The following SUGCT variants were observed in gnomAD, a reference collection of about 807,000 sequenced individuals.
The protein encoded by SUGCT is succinyl-CoA:glutarate-CoA transferase.
SUGCT carries 41 observed loss-of-function variants against 55.0 expected under a neutral mutation model. That is an observed-to-expected ratio of 0.74 (90% CI 0.58 to 0.97). The LOEUF is 0.97. SUGCT is among the 50% of genes least tolerant of loss of function. The probability of loss-of-function intolerance (pLI) is 0.00; values close to 1 mark genes in which losing one functional copy is unlikely to be tolerated. For synonymous variants in SUGCT, 187 were observed against 200.4 expected (o/e 0.93, Z 0.56); for missense variants, 568 against 547.8 (o/e 1.04, Z -0.37).
At chr7:41,014,516 A>G in the SUGCT span, among the ~76,000 whole-genome samples, 1 of 152,380 alleles carries the variant, frequency 6.6e-6, no homozygotes, top group South Asian at 2.1e-4. Context: ...CATGAGAAAT[A>G]TTGAGCAAGA....
At chr7:40,221,494 CTTT>C (rs1452847552) in intron 6 of SUGCT, among the ~76,000 whole-genome samples, 2 of 130,588 alleles carry the variant, frequency 1.5e-5, no homozygotes, top group Admixed American at 7.8e-5. Context: ...TGTTATTGGT[CTTT>C]TTTTTTTTTT....
chr7:40,531,747 C>G (rs1794102672), intron 12 of SUGCT, among the ~76,000 whole-genome samples: 1 of 152,104 alleles, frequency 6.6e-6, no homozygotes, highest in African/African-American at 2.4e-5. Context: ...GATCTCGGCT[C>G]ACTGTAAGCT....
intron 7 of SUGCT, among the ~76,000 whole-genome samples, chr7:40,257,888 A>C (rs916479829): frequency 6.6e-6 from 1 of 152,142 alleles, no homozygotes; most frequent in African/African-American, 2.4e-5. Flanking sequence ...AAAAAAATAA[A>C]TAAATAAAAT....
chr7:40,464,607 T>A (rs1335672520), intron 11 of SUGCT, among the ~76,000 whole-genome samples: 1 of 152,202 alleles, frequency 6.6e-6, no homozygotes, highest in African/African-American at 2.4e-5. Flanking sequence ...GGTAAAGTGG[T>A]ACACATTCAT....
At chr7:40,590,717 T>C (rs1477499482) in intron 12 of SUGCT, among the ~76,000 whole-genome samples, 1 of 152,170 alleles carries the variant, frequency 6.6e-6, no homozygotes, top group African/African-American at 2.4e-5. Context: ...TCGGGGCTAA[T>C]GTAGCTGGTT....
chr7:40,704,893 TGAA>T (rs1785326199), intron 12 of SUGCT, among the ~76,000 whole-genome samples: 1 of 152,222 alleles, frequency 6.6e-6, no homozygotes, highest in African/African-American at 2.4e-5. Flanking sequence ...CGTGTAGCTA[TGAA>T]GTAGTGGAGT....
At chr7:41,001,883 G>A in the SUGCT span, among the ~76,000 whole-genome samples, 3 of 152,214 alleles carry the variant, frequency 2.0e-5, no homozygotes, top group Admixed American at 6.5e-5. Context: ...TTGCATGTTT[G>A]TCTGCTGACA....
chr7:40,275,105 T>C (rs1034425066), intron 8 of SUGCT, among the ~76,000 whole-genome samples: 1 of 152,212 alleles, frequency 6.6e-6, no homozygotes, highest in Non-Finnish European at 1.5e-5. Flanking sequence ...ATGGCCCATG[T>C]ACTTGTTTTC....
intron 9 of SUGCT, among the ~76,000 whole-genome samples, chr7:40,443,688 T>C (rs538745939): frequency 1.3e-5 from 2 of 152,334 alleles, no homozygotes; most frequent in Admixed American, 1.3e-4. Flanking sequence ...TTCACTCTGA[T>C]GGTAGTTTCT....
chr7:40,985,177 G>A, the SUGCT span, among the ~76,000 whole-genome samples: 2 of 152,278 alleles, frequency 1.3e-5, no homozygotes, highest in African/African-American at 4.8e-5. Flanking sequence ...ATTGCAAGTT[G>A]AAATTGCAAA....
At chr7:40,884,160 T>C in the SUGCT span, among the ~76,000 whole-genome samples, 3 of 152,222 alleles carry the variant, frequency 2.0e-5, no homozygotes, top group Non-Finnish European at 2.9e-5. Context: ...AATATATTTA[T>C]GCTTGAAGAG....
chr7:40,500,689 GGA>G (rs906659172), intron 12 of SUGCT, among the ~76,000 whole-genome samples: 15 of 152,058 alleles, frequency 9.9e-5, no homozygotes, highest in Non-Finnish European at 1.9e-4. Context: ...TTTTGAAATT[GGA>G]GAGTTTATTA....
At chr7:40,620,560 G>A (rs1799216980) in intron 12 of SUGCT, among the ~76,000 whole-genome samples, 1 of 151,990 alleles carries the variant, frequency 6.6e-6, no homozygotes, top group African/African-American at 2.4e-5. Context: ...CTGCCACCGT[G>A]CCCAGCTAAT....
intron 12 of SUGCT, among the ~76,000 whole-genome samples, chr7:40,557,525 C>A (rs915405774): frequency 6.6e-6 from 1 of 152,184 alleles, no homozygotes; most frequent in African/African-American, 2.4e-5. Flanking sequence ...GTAATCCCAG[C>A]ACTTTGGTAT....
intron 3 of SUGCT, among the ~76,000 whole-genome samples, chr7:40,187,102 G>T (rs1461299221): frequency 1.3e-5 from 2 of 152,118 alleles, no homozygotes; most frequent in Non-Finnish European, 2.9e-5. Context: ...ATACTATGCA[G>T]CCATAAAAAA....
chr7:40,416,133 T>C (rs1268948469), intron 9 of SUGCT, among the ~76,000 whole-genome samples: 1 of 152,008 alleles, frequency 6.6e-6, no homozygotes, highest in Non-Finnish European at 1.5e-5. Flanking sequence ...TATTATTTTG[T>C]ATTTAACAAT....
At chr7:40,682,652 T>G (rs1278048544) in intron 12 of SUGCT, among the ~76,000 whole-genome samples, 2 of 152,114 alleles carry the variant, frequency 1.3e-5, no homozygotes, top group Admixed American at 1.3e-4. Context: ...TGTGTGAGAG[T>G]AAGAAAAACA....
intron 9 of SUGCT, among the ~76,000 whole-genome samples, chr7:40,357,600 T>C (rs932458517): frequency 1.3e-5 from 2 of 152,186 alleles, no homozygotes; most frequent in Admixed American, 6.5e-5. Flanking sequence ...AAAGTAGCCA[T>C]AGATGTAAAC....
At chr7:40,246,300 A>T (rs960936247) in intron 7 of SUGCT, among the ~76,000 whole-genome samples, 8 of 149,574 alleles carry the variant, frequency 5.3e-5, no homozygotes, top group Non-Finnish European at 7.4e-5. Flanking sequence ...TCCAGGATAG[A>T]GTGTAGTGGT....
Sources: gnomAD v4.1 joint callset for allele counts (sites outside exome capture counted in the v4.1 genomes callset) on GRCh38, gnomAD v4.1.1 for gene constraint, MANE v1.5 for transcripts, NCBI Gene and HGNC (gene_info 2026-07-23, HGNC 2026-07-21) for gene names.